LIMCH1: variants seen among roughly 807,000 people sequenced by gnomAD.
LIMCH1 encodes LIM and calponin homology domains 1.
LIMCH1 carries 113 observed loss-of-function variants against 176.5 expected under a neutral mutation model. That is an observed-to-expected ratio of 0.64 (90% confidence interval 0.55 to 0.75). LIMCH1 has a LOEUF of 0.75. LIMCH1 is among the 30% of genes least tolerant of loss of function. LIMCH1 has a pLI of 0.00. For synonymous variants in LIMCH1, 619 were observed against 645.9 expected, an observed-to-expected ratio of 0.96 and a Z score of 0.63; for missense variants, 1,674 against 1,814.9, an observed-to-expected ratio of 0.92 and a Z score of 1.41.
In LIMCH1 at chr4:41,467,151, G is replaced by GTATA. The variant is rs147016551; in HGVS notation, c.97-27380_97-27377dup. On this transcript the variant is annotated intron_variant, in intron 1 of 26. Transcript: ENST00000313860. ...AATATTCCCATATATATATGTGTAT[G>GTATA]TATATATACACACACACACACACAC... is the stretch of plus-strand genomic sequence containing the variant. 3.0e-3 allele frequency among the ~76,000 whole-genome samples: 182 copies of GTATA among 60,788 alleles called. 1 individual carries two copies. The highest frequency in any genetic ancestry group is 0.026 in the African/African-American group (176 of 6,872). 39.9% of individuals were successfully genotyped at this position (60,788 alleles called of 152,430 possible).
intron 1 of LIMCH1, among the ~76,000 whole-genome samples, chr4:41,395,705 A>G (rs943820967): frequency 6.6e-6 from 1 of 151,776 alleles, no homozygotes; most frequent in Non-Finnish European, 1.5e-5. Flanking sequence ...TTTTTCTATT[A>G]TGGCTCCATG....
intron 1 of LIMCH1, among the ~76,000 whole-genome samples, chr4:41,590,457 C>T (rs1416649816): frequency 1.3e-5 from 2 of 152,106 alleles, no homozygotes; most frequent in Non-Finnish European, 2.9e-5. Flanking sequence ...CACCTGACAT[C>T]TTTTCCCAAA....
chr4:41,503,611 A>T (rs2073756505), intron 2 of LIMCH1, among the ~76,000 whole-genome samples: 1 of 152,098 alleles, frequency 6.6e-6, no homozygotes, highest in Admixed American at 6.5e-5. Context: ...GATGCTTTGG[A>T]GGGACTTACG....
Position 41,551,192 on chromosome 4 carries a change from G to A in LIMCH1, c.-241+12842G>A, listed in dbSNP as rs143495601. ...ATTGTCAAGGCAGCTGTCTAATTAGGTAAGAATACAGATGGACTGTGAGGG... is the reference window on the plus strand; with the variant it reads ...ATTGTCAAGGCAGCTGTCTAATTAGATAAGAATACAGATGGACTGTGAGGG... On this transcript the variant is annotated intron_variant, in intron 1 of 31. Coordinates refer to ENST00000503057, the MANE Select transcript of LIMCH1 (RefSeq NM_001330672.2). 2.0e-5 allele frequency: 3 copies of A among 152,266 alleles called. No individual in the cohort carries two copies. The East Asian group carries it at 5.8e-4, about 29-fold the overall frequency. The allele number at this position is 152,266 out of a possible 1,614,324, so 9.4% of individuals were successfully genotyped here. A position where few individuals can be genotyped will look rare whatever the true frequency, so the allele number is the denominator to read the frequency against.
At chr4:41,479,753 C>T (rs1371187346) in intron 1 of LIMCH1, among the ~76,000 whole-genome samples, 3 of 152,178 alleles carry the variant, frequency 2.0e-5, no homozygotes, top group African/African-American at 7.2e-5. Context: ...TTCTTCATGA[C>T]ATCAACTTTT....
chr4:41,438,031 C>T (rs2062275635), intron 1 of LIMCH1, among the ~76,000 whole-genome samples: 1 of 152,178 alleles, frequency 6.6e-6, no homozygotes, highest in African/African-American at 2.4e-5. Flanking sequence ...TGAGAAAGTG[C>T]TGGGGGCATT....
rs931666873 is a variant in LIMCH1, at chr4:41,664,833, G to A, written c.3292-1728G>A. On this transcript the variant is annotated intron_variant, in intron 20 of 31. Transcript: ENST00000503057. ...TTTTCAGGACTTCTTCAGTTTGTTC[G>A]TGTGTGTGTTTTTGTGCATTGTGCC... Among the ~76,000 whole-genome samples, 8 of 152,234 alleles carry A rather than the reference G, an allele frequency of 5.3e-5. No homozygotes were observed. In the Middle Eastern group the frequency reaches 0.01, roughly 194 times the overall value.
At chr4:41,516,469 A>C (rs1281126404) in intron 2 of LIMCH1, among the ~76,000 whole-genome samples, 2 of 152,160 alleles carry the variant, frequency 1.3e-5, no homozygotes, top group Non-Finnish European at 2.9e-5. Context: ...AGGAGCTCTG[A>C]CCTCAGACAT....
chr4:41,611,772 CT>C (rs2091444037), intron 4 of LIMCH1, among the ~76,000 whole-genome samples: 1 of 152,134 alleles, frequency 6.6e-6, no homozygotes. Context: ...TAAAAGTGAC[CT>C]TTGTTTTTTA....
chr4:41,558,013 C>T (rs1353875763), intron 1 of LIMCH1, among the ~76,000 whole-genome samples: 1 of 152,064 alleles, frequency 6.6e-6, no homozygotes. Flanking sequence ...ATCACAGTGG[C>T]CACACGTGTC....
intron 1 of LIMCH1, among the ~76,000 whole-genome samples, chr4:41,590,355 A>T (rs2087288436): frequency 6.6e-6 from 1 of 152,022 alleles, no homozygotes; most frequent in African/African-American, 2.4e-5. Context: ...AAAGTGCTGA[A>T]ATTATAGGCA....
At chr4:41,625,020 CCTT>C (rs2092848821) in intron 7 of LIMCH1, among the ~76,000 whole-genome samples, 1 of 152,120 alleles carries the variant, frequency 6.6e-6, no homozygotes, top group Non-Finnish European at 1.5e-5. Context: ...CAAAGCAACT[CCTT>C]CTTCCCAAAG....
At chr4:41,542,937 T>C (rs538341966) in intron 1 of LIMCH1, among the ~76,000 whole-genome samples, 1 of 152,386 alleles carries the variant, frequency 6.6e-6, no homozygotes, top group East Asian at 1.9e-4. Flanking sequence ...GTTTCGATGC[T>C]GGCAAAACTG....
rs766389484 is a variant in LIMCH1 at position 41,682,313 on chromosome 4, T to G, written c.3718-20T>G. 4.3e-5 allele frequency: 68 copies of G among 1,592,772 alleles called. No individual in the cohort carries two copies. Among genetic ancestry groups the G allele is most frequent in the Non-Finnish European group, 4.3e-6 (5 of 1,165,066 alleles). ...GTTTTTAAAATTTATACTTAAGATTTTCATTGTTTTTCTCCTTAGAATAAG... is the reference window on the plus strand; with the variant it reads ...GTTTTTAAAATTTATACTTAAGATTGTCATTGTTTTTCTCCTTAGAATAAG... On this transcript the variant is annotated intron_variant, in intron 25 of 31. Coordinates refer to ENST00000503057, the MANE Select transcript of LIMCH1 (RefSeq NM_001330672.2).
At chr4:41,437,904 A>T (rs963458111) in intron 1 of LIMCH1, among the ~76,000 whole-genome samples, 14 of 152,202 alleles carry the variant, frequency 9.2e-5, no homozygotes, top group Non-Finnish European at 1.5e-4. Flanking sequence ...CAATGGCCCA[A>T]AGTAAATTGT....
exon 2 of LIMCH1, chr4:41,494,576 C>A (rs748333768): frequency 2.5e-6 from 4 of 1,612,522 alleles, no homozygotes; most frequent in Non-Finnish European, 3.4e-6. Flanking sequence ...GATTTTCGGA[C>A]AGGTTTAGAA....
At chr4:41,670,862 G>A in intron 21 of LIMCH1, 1 of 1,513,436 alleles carries the variant, frequency 6.6e-7, no homozygotes, top group Admixed American at 2.1e-5. Flanking sequence ...AATGATGTGT[G>A]GCACTTGTCT....
At chr4:41,692,777 A>G (rs1317208580) in intron 31 of LIMCH1, 1 of 170,344 alleles carries the variant, frequency 5.9e-6, no homozygotes, top group Non-Finnish European at 1.2e-5. Flanking sequence ...TGTTTCTCAG[A>G]TCGAGCACCA....
chr4:41,479,868 G>C (rs1157904881), intron 1 of LIMCH1, among the ~76,000 whole-genome samples: 3 of 151,916 alleles, frequency 2.0e-5, no homozygotes, highest in African/African-American at 7.3e-5. Context: ...TTATCACATG[G>C]GCTTCCCCGT....
Sources: gnomAD v4.1 joint callset for allele counts (sites outside exome capture counted in the v4.1 genomes callset) on GRCh38, gnomAD v4.1.1 for gene constraint, MANE v1.5 for transcripts, NCBI Gene and HGNC (gene_info 2026-07-23, HGNC 2026-07-21) for gene names.